Variants in CIMIP6 observed in about 807,000 individuals in gnomAD.
CIMIP6 encodes the protein ciliary microtubule inner protein 6.
At chr2:54,348,334 G>A in the CIMIP6 span, among the ~76,000 whole-genome samples, 11 of 152,252 alleles carry the variant, frequency 7.2e-5, no homozygotes, top group African/African-American at 2.4e-4. Context: ...ATCAGTTATT[G>A]CATTGTACTA....
the CIMIP6 span, among the ~76,000 whole-genome samples, chr2:54,372,316 C>G: frequency 6.6e-6 from 1 of 152,196 alleles, no homozygotes; most frequent in East Asian, 1.9e-4. Flanking sequence ...TTCCTTCCTC[C>G]TTAGCCTCAT....
chr2:54,349,170 GCTT>G, the CIMIP6 span, among the ~76,000 whole-genome samples: 1 of 152,034 alleles, frequency 6.6e-6, no homozygotes, highest in Admixed American at 6.5e-5. Flanking sequence ...AGTTTGTGTT[GCTT>G]CTTTTGCACC....
At chr2:54,374,409 G>A in the CIMIP6 span, among the ~76,000 whole-genome samples, 1 of 152,118 alleles carries the variant, frequency 6.6e-6, no homozygotes, top group Non-Finnish European at 1.5e-5. Flanking sequence ...AAACTTGTTT[G>A]GACTTTCCTT....
the CIMIP6 span, among the ~76,000 whole-genome samples, chr2:54,335,885 T>G: frequency 6.6e-6 from 1 of 152,182 alleles, no homozygotes; most frequent in African/African-American, 2.4e-5. Context: ...GCCTTTTTCT[T>G]TGAAGCCAGC....
chr2:54,350,461 C>T, the CIMIP6 span, among the ~76,000 whole-genome samples: 1 of 152,348 alleles, frequency 6.6e-6, no homozygotes, highest in East Asian at 1.9e-4. Flanking sequence ...GACTGGGCCT[C>T]TCCTTCTCCA....
chr2:54,343,106 G>A, the CIMIP6 span, among the ~76,000 whole-genome samples: 1 of 152,152 alleles, frequency 6.6e-6, no homozygotes, highest in Non-Finnish European at 1.5e-5. Flanking sequence ...ATTAGTGAAT[G>A]ACAAATCAAT....
the CIMIP6 span, among the ~76,000 whole-genome samples, chr2:54,347,958 A>C: frequency 6.6e-6 from 1 of 152,090 alleles, no homozygotes; most frequent in Admixed American, 6.6e-5. Context: ...CCAGCTTCCA[A>C]ATTTGTTAAA....
chr2:54,376,768 G>A, the CIMIP6 span, among the ~76,000 whole-genome samples: 1 of 152,102 alleles, frequency 6.6e-6, no homozygotes, highest in South Asian at 2.1e-4. Context: ...CAACAGCCAG[G>A]GCCACCACTG....
the CIMIP6 span, among the ~76,000 whole-genome samples, chr2:54,380,130 C>A: frequency 6.6e-6 from 1 of 151,794 alleles, no homozygotes; most frequent in Non-Finnish European, 1.5e-5. Context: ...GGCAGCAGAG[C>A]AAGACCCCAT....
chr2:54,356,894 A>T, the CIMIP6 span, among the ~76,000 whole-genome samples: 1 of 152,192 alleles, frequency 6.6e-6, no homozygotes, highest in Non-Finnish European at 1.5e-5. Context: ...GAGCCGCTTC[A>T]TTCTGTCTAT....
At chr2:54,331,363 G>A in the CIMIP6 span, among the ~76,000 whole-genome samples, 1 of 152,022 alleles carries the variant, frequency 6.6e-6, no homozygotes, top group Non-Finnish European at 1.5e-5. Flanking sequence ...TTCTCTTGCC[G>A]GGATGCTGCA....
chr2:54,357,157 G>A, the CIMIP6 span, among the ~76,000 whole-genome samples: 2 of 152,128 alleles, frequency 1.3e-5, no homozygotes, highest in Non-Finnish European at 2.9e-5. Context: ...TCAAGAAAAT[G>A]TTAACAGTTA....
the CIMIP6 span, among the ~76,000 whole-genome samples, chr2:54,359,463 T>C: frequency 6.6e-6 from 1 of 152,086 alleles, no homozygotes; most frequent in African/African-American, 2.4e-5. Flanking sequence ...AAATAATTTG[T>C]GTAAAATAAT....
At chr2:54,334,702 C>T in the CIMIP6 span, 3 of 738,680 alleles carry the variant, frequency 4.1e-6, no homozygotes, top group South Asian at 5.9e-5. Flanking sequence ...ACTATTAATA[C>T]AGCCTAAATT....
At chr2:54,381,932 TG>T in the CIMIP6 span, 1 of 1,550,202 alleles carries the variant, frequency 6.5e-7, no homozygotes, top group East Asian at 2.4e-5. Flanking sequence ...ATCACGGGCA[TG>T]TTTTTTTAGG....
chr2:54,342,523 A>T, the CIMIP6 span, among the ~76,000 whole-genome samples: 1 of 151,880 alleles, frequency 6.6e-6, no homozygotes, highest in Non-Finnish European at 1.5e-5. Context: ...ATTATTTTTT[A>T]AATCTAATGT....
At chr2:54,343,108 C>G in the CIMIP6 span, among the ~76,000 whole-genome samples, 1 of 151,970 alleles carries the variant, frequency 6.6e-6, no homozygotes, top group Non-Finnish European at 1.5e-5. Flanking sequence ...TAGTGAATGA[C>G]AAATCAATGA....
At chr2:54,382,786 G>A in the CIMIP6 span, among the ~76,000 whole-genome samples, 1 of 152,218 alleles carries the variant, frequency 6.6e-6, no homozygotes, top group African/African-American at 2.4e-5. Context: ...GCAGACAGAA[G>A]TGATATTCAT....
chr2:54,330,981 G>A, the CIMIP6 span: 1 of 1,613,558 alleles, frequency 6.2e-7, no homozygotes, highest in Non-Finnish European at 8.5e-7. Flanking sequence ...GGCCCATGGA[G>A]GAAAAGGAAG....
Sources: allele counts gnomAD v4.1 joint callset (sites outside exome capture counted in the v4.1 genomes callset), GRCh38; gene constraint gnomAD v4.1.1; transcripts MANE v1.5; gene names NCBI Gene and HGNC (gene_info 2026-07-23, HGNC 2026-07-21).